GRIK2: variants seen among roughly 807,000 people sequenced by gnomAD.
The protein encoded by GRIK2 is glutamate receptor ionotropic, kainate 2.
In GRIK2, 32 loss-of-function variants were observed where a neutral mutation model predicts 100.3. That is an observed-to-expected ratio of 0.32 (90% confidence interval 0.24 to 0.43). The LOEUF is 0.43. Among genes scored for constraint, GRIK2 ranks in the 20% least tolerant of loss-of-function variants. GRIK2 has a pLI of 1.00. For synonymous variants in GRIK2, 417 were observed against 389.4 expected (o/e 1.07, Z -0.83); for missense variants, 843 against 1,114.9 (o/e 0.76, Z 3.47).
intron 9 of GRIK2, among the ~76,000 whole-genome samples, chr6:101,804,158 GTACT>G (rs1210029913): frequency 5.3e-5 from 8 of 151,994 alleles, no homozygotes; most frequent in South Asian, 2.1e-4. Context: ...AGTCAATTGA[GTACT>G]TAGAATTAGC....
chr6:101,689,850 A>C (rs911642517), intron 7 of GRIK2, among the ~76,000 whole-genome samples: 1 of 152,106 alleles, frequency 6.6e-6, no homozygotes, highest in Non-Finnish European at 1.5e-5. Context: ...TGCATTCTGT[A>C]TTGTGTTCCC....
intron 3 of GRIK2, among the ~76,000 whole-genome samples, chr6:101,625,976 T>A (rs1780417304): frequency 6.6e-6 from 1 of 152,178 alleles, no homozygotes; most frequent in Non-Finnish European, 1.5e-5. Flanking sequence ...GGGGGAACCA[T>A]GTGGCTTTTG....
chr6:102,062,027 T>TA (rs1201501577), intron 16 of GRIK2, among the ~76,000 whole-genome samples: 3 of 148,222 alleles, frequency 2.0e-5, no homozygotes, highest in Non-Finnish European at 4.6e-5. Flanking sequence ...CAGACCTTAT[T>TA]TTTTTTTTTA....
At chr6:101,623,554 G>C (rs1156644848) in intron 3 of GRIK2, among the ~76,000 whole-genome samples, 2 of 152,054 alleles carry the variant, frequency 1.3e-5, no homozygotes, top group Admixed American at 6.6e-5. Context: ...GTGCAGTATA[G>C]ATAAAATATT....
intron 4 of GRIK2, among the ~76,000 whole-genome samples, chr6:101,673,566 C>G (rs1429556243): frequency 1.3e-5 from 2 of 152,166 alleles, no homozygotes; most frequent in Non-Finnish European, 2.9e-5. Flanking sequence ...TGACCTGCTC[C>G]CTCACTTCCA....
chr6:101,900,968 C>G (rs1787811170), intron 12 of GRIK2, among the ~76,000 whole-genome samples: 2 of 151,512 alleles, frequency 1.3e-5, no homozygotes, highest in African/African-American at 4.8e-5. Flanking sequence ...TCTTGACCTT[C>G]TGACTTATCT....
chr6:101,699,425 G>C (rs1161652786), intron 7 of GRIK2, among the ~76,000 whole-genome samples: 1 of 152,054 alleles, frequency 6.6e-6, no homozygotes, highest in East Asian at 1.9e-4. Flanking sequence ...TAGTGGCTGA[G>C]TTAGGACCCC....
intron 14 of GRIK2, 36 bp downstream of exon 14, chr6:101,928,668 A>T: frequency 9.5e-7 from 1 of 1,054,054 alleles, no homozygotes; most frequent in Non-Finnish European, 1.5e-6. Context: ...TTACAAATTA[A>T]AATGATAGAG....
chr6:101,824,066 T>G (rs1348569163), intron 10 of GRIK2, among the ~76,000 whole-genome samples: 1 of 151,850 alleles, frequency 6.6e-6, no homozygotes, highest in African/African-American at 2.4e-5. Context: ...GGTGTTGTAT[T>G]TTTGTAGAGA....
At chr6:101,923,925 C>CAAAAAAA (rs768844963) in intron 12 of GRIK2, among the ~76,000 whole-genome samples, 1 of 60,772 alleles carries the variant, frequency 1.6e-5, no homozygotes, top group Non-Finnish European at 3.6e-5. Flanking sequence ...ATTCTGTCTC[C>CAAAAAAA]AAAAAAAAAA....
chr6:101,875,610 C>A (rs1785771336), intron 11 of GRIK2, among the ~76,000 whole-genome samples: 1 of 151,566 alleles, frequency 6.6e-6, no homozygotes, highest in African/African-American at 2.4e-5. Flanking sequence ...AATTTGCTTT[C>A]TTCTTGTTTT....
intron 11 of GRIK2, among the ~76,000 whole-genome samples, chr6:101,872,673 C>G (rs986567997): frequency 5.9e-5 from 9 of 151,860 alleles, no homozygotes; most frequent in African/African-American, 2.2e-4. Flanking sequence ...CTTCCCATCC[C>G]CTCTGAATAG....
intron 2 of GRIK2, among the ~76,000 whole-genome samples, chr6:101,535,584 T>C (rs771868430): frequency 5.3e-5 from 8 of 150,730 alleles, no homozygotes; most frequent in Non-Finnish European, 1.0e-4. Context: ...GTTGTTAATA[T>C]ATCTGCTCAC....
At chr6:101,590,896 G>A (rs1778610419) in intron 2 of GRIK2, among the ~76,000 whole-genome samples, 1 of 151,754 alleles carries the variant, frequency 6.6e-6, no homozygotes, top group Admixed American at 6.6e-5. Flanking sequence ...TTCAATTATT[G>A]GTGTGGTTTG....
chr6:101,631,957 C>T (rs1780761949), intron 4 of GRIK2, among the ~76,000 whole-genome samples: 1 of 152,068 alleles, frequency 6.6e-6, no homozygotes, highest in Admixed American at 6.6e-5. Flanking sequence ...CTATACTTGT[C>T]CAGTGATATT....
At chr6:102,063,204 T>C (rs886345158) in intron 16 of GRIK2, among the ~76,000 whole-genome samples, 5 of 150,624 alleles carry the variant, frequency 3.3e-5, no homozygotes, top group Non-Finnish European at 6.0e-5. Context: ...AGGCTCCAAG[T>C]AGGATAAGTA....
intron 11 of GRIK2, among the ~76,000 whole-genome samples, chr6:101,871,936 T>A (rs1390343030): frequency 6.6e-6 from 1 of 151,960 alleles, no homozygotes; most frequent in Non-Finnish European, 1.5e-5. Context: ...CTCAGTTCTT[T>A]GAGAAATCTC....
intron 1 of GRIK2, among the ~76,000 whole-genome samples, chr6:101,396,213 ATTG>A (rs1774998718): frequency 6.8e-6 from 1 of 147,798 alleles, no homozygotes. Flanking sequence ...AAATCATTTT[ATTG>A]TAGTATAGGG....
intron 2 of GRIK2, among the ~76,000 whole-genome samples, chr6:101,603,864 T>A (rs1779331591): frequency 6.6e-6 from 1 of 151,774 alleles, no homozygotes; most frequent in Non-Finnish European, 1.5e-5. Flanking sequence ...ATCTTGTTCA[T>A]AACTACTTTT....
Sources: gnomAD v4.1 joint callset for allele counts (sites outside exome capture counted in the v4.1 genomes callset) on GRCh38, gnomAD v4.1.1 for gene constraint, MANE v1.5 for transcripts, NCBI Gene and HGNC (gene_info 2026-07-23, HGNC 2026-07-21) for gene names.